RBFOX1: variants seen among roughly 807,000 people sequenced by gnomAD.
RBFOX1 encodes the protein RNA binding protein fox-1 homolog 1.
In RBFOX1, 8 loss-of-function variants were observed where a neutral mutation model predicts 57.7. The ratio of observed to expected loss-of-function variants is 0.14; its 90% CI spans 0.08 to 0.25. The LOEUF (loss-of-function observed/expected upper bound fraction) is 0.25. RBFOX1 is among the 10% of genes least tolerant of loss of function. RBFOX1 has a pLI of 1.00. For missense variants in RBFOX1, 611 were observed against 548.5 expected (o/e 1.11, Z -1.14); for synonymous variants, 326 against 222.4 (o/e 1.47, Z -4.15).
intron 1 of RBFOX1, among the ~76,000 whole-genome samples, chr16:5,250,485 A>G (rs1440585265): frequency 6.6e-6 from 1 of 151,996 alleles, no homozygotes; most frequent in Non-Finnish European, 1.5e-5. Flanking sequence ...ATGTGTTCTC[A>G]TTGTTCAACT....
At chr16:7,364,310 A>G (rs1456496724) in intron 4 of RBFOX1, among the ~76,000 whole-genome samples, 1 of 152,110 alleles carries the variant, frequency 6.6e-6, no homozygotes, top group Non-Finnish European at 1.5e-5. Context: ...TGCAGTTACT[A>G]TGGAGAAAGG....
At chr16:7,488,409 A>C (rs774036020) in intron 4 of RBFOX1, among the ~76,000 whole-genome samples, 1 of 149,282 alleles carries the variant, frequency 6.7e-6, no homozygotes, top group African/African-American at 2.5e-5. Context: ...ATATCTATCT[A>C]CTGTCTGCCT....
At chr16:5,498,905 C>T (rs951696536) in intron 2 of RBFOX1, among the ~76,000 whole-genome samples, 2 of 152,234 alleles carry the variant, frequency 1.3e-5, no homozygotes, top group Non-Finnish European at 2.9e-5. Context: ...TCTGCAGGTC[C>T]ATCCTTCTCA....
chr16:7,640,312 A>G (rs1474539488), intron 11 of RBFOX1, among the ~76,000 whole-genome samples: 1 of 152,194 alleles, frequency 6.6e-6, no homozygotes, highest in Non-Finnish European at 1.5e-5. Context: ...AGGCAGCCAC[A>G]TTTCAGGCAG....
chr16:6,809,841 C>G (rs1459834804), intron 3 of RBFOX1, among the ~76,000 whole-genome samples: 1 of 152,080 alleles, frequency 6.6e-6, no homozygotes, highest in Non-Finnish European at 1.5e-5. Flanking sequence ...GCTGTCGTAC[C>G]AAGTGTAATT....
At chr16:7,556,970 A>T (rs1194359913) in intron 5 of RBFOX1, among the ~76,000 whole-genome samples, 1 of 152,240 alleles carries the variant, frequency 6.6e-6, no homozygotes, top group African/African-American at 2.4e-5. Context: ...TGTTAACAAC[A>T]ACGACATCCT....
At chr16:6,399,781 G>C (rs542687561) in intron 2 of RBFOX1, among the ~76,000 whole-genome samples, 2 of 152,274 alleles carry the variant, frequency 1.3e-5, no homozygotes, top group Non-Finnish European at 2.9e-5. Context: ...AAAGAAAAGA[G>C]GTTTAATTGA....
intron 4 of RBFOX1, among the ~76,000 whole-genome samples, chr16:7,224,367 G>T (rs28654491): frequency 6.6e-6 from 1 of 152,076 alleles, no homozygotes; most frequent in Admixed American, 6.5e-5. Flanking sequence ...CAGTCCCATT[G>T]ACATTTGAAT....
intron 4 of RBFOX1, among the ~76,000 whole-genome samples, chr16:5,874,809 G>T (rs1258359356): frequency 1.3e-5 from 2 of 152,154 alleles, no homozygotes; most frequent in African/African-American, 4.8e-5. Context: ...GCCAGGCAAT[G>T]TGGTGCACAC....
chr16:5,636,759 G>C (rs2048697639), intron 3 of RBFOX1, among the ~76,000 whole-genome samples: 1 of 152,218 alleles, frequency 6.6e-6, no homozygotes, highest in African/African-American at 2.4e-5. Context: ...TTGCCTTCCA[G>C]AGCTATTCTT....
chr16:5,763,727 G>A (rs1470270649), intron 3 of RBFOX1, among the ~76,000 whole-genome samples: 2 of 152,204 alleles, frequency 1.3e-5, no homozygotes, highest in Non-Finnish European at 2.9e-5. Flanking sequence ...AGGTTCAACC[G>A]ACTGTGGTAA....
chr16:7,084,346 A>G (rs1429617652), intron 4 of RBFOX1, among the ~76,000 whole-genome samples: 1 of 152,166 alleles, frequency 6.6e-6, no homozygotes, highest in African/African-American at 2.4e-5. Context: ...GAGGGAAGAA[A>G]GAAAAAAATG....
chr16:7,130,134 G>A (rs954362399), intron 4 of RBFOX1, among the ~76,000 whole-genome samples: 10 of 151,194 alleles, frequency 6.6e-5, no homozygotes, highest in East Asian at 2.0e-4. Flanking sequence ...CTGGGTTCAA[G>A]CAATTCTCCT....
intron 3 of RBFOX1, among the ~76,000 whole-genome samples, chr16:5,837,926 G>A (rs2056511048): frequency 6.6e-6 from 1 of 152,120 alleles, no homozygotes; most frequent in Non-Finnish European, 1.5e-5. Flanking sequence ...GCTTGGAGAA[G>A]ACTGTGTCAG....
chr16:6,786,560 A>C (rs968410165), intron 3 of RBFOX1, among the ~76,000 whole-genome samples: 2 of 152,162 alleles, frequency 1.3e-5, no homozygotes, highest in African/African-American at 4.8e-5. Context: ...ACAGTAAGCC[A>C]AAAAACCTCT....
rs537839472 is a variant in RBFOX1 at position 7,391,948 on chromosome 16, C to G, written c.28-126199C>G. ...TTTACCTTATGCACTCCATCGCAGCCTAAACTGTCACTGATTACTTGCTGC... is the reference window on the plus strand; with the variant it reads ...TTTACCTTATGCACTCCATCGCAGCGTAAACTGTCACTGATTACTTGCTGC... On this transcript the variant is annotated intron_variant, in intron 4 of 15. Transcript: ENST00000550418. 3.3e-5 allele frequency among the ~76,000 whole-genome samples: 5 copies of G among 152,322 alleles called. No individual in the cohort carries two copies. The East Asian group carries it at 9.7e-4, about 29-fold the overall frequency.
chr16:7,192,187 C>G (rs2085562533), intron 4 of RBFOX1, among the ~76,000 whole-genome samples: 1 of 152,316 alleles, frequency 6.6e-6, no homozygotes, highest in East Asian at 1.9e-4. Context: ...AGTTCTGATG[C>G]CAGATTTCTC....
rs949600999 is a variant in RBFOX1, at chr16:7,039,055, G to A, written c.-15-13002G>A. On this transcript the variant is annotated intron_variant, in intron 3 of 15. Transcript: ENST00000550418. ...TATGATGTTTAAAGGAATATCAGAA[G>A]TGCTCACTAAATGTGTTGTCCTGCC... Among the ~76,000 whole-genome samples the A allele has an allele frequency of 2.6e-5, 4 of 152,150 alleles. No homozygotes were observed. The East Asian group carries it at 7.7e-4, about 29-fold the overall frequency.
intron 4 of RBFOX1, among the ~76,000 whole-genome samples, chr16:7,429,624 T>C (rs2098658853): frequency 1.3e-5 from 2 of 152,176 alleles, no homozygotes; most frequent in Admixed American, 1.3e-4. Context: ...GTCAGGTGGA[T>C]GAATACAGGA....
Sources: gnomAD v4.1 joint callset for allele counts (sites outside exome capture counted in the v4.1 genomes callset) on GRCh38, gnomAD v4.1.1 for gene constraint, MANE v1.5 for transcripts, NCBI Gene and HGNC (gene_info 2026-07-23, HGNC 2026-07-21) for gene names.